Variants in MYPN observed in about 807,000 individuals in gnomAD.
MYPN encodes the protein sarcomeric protein myopalladin, 145 kDa (MYOP).
Under a neutral mutation model 129.4 loss-of-function variants are expected in MYPN, and 63 were observed. That is an observed-to-expected ratio of 0.49 (90% CI 0.40 to 0.60). The LOEUF is 0.60. MYPN is among the 20% of genes least tolerant of loss of function. The pLI, the probability that MYPN is intolerant of heterozygous loss-of-function variation, is 0.00. For missense variants in MYPN, 1,596 were observed against 1,635.4 expected (o/e 0.98, Z 0.42); for synonymous variants, 629 against 600.9 (o/e 1.05, Z -0.68).
chr10:68,100,305 A>G (rs1205293421), intron 1 of MYPN, among the ~76,000 whole-genome samples: 1 of 152,240 alleles, frequency 6.6e-6, no homozygotes, highest in African/African-American at 2.4e-5. Flanking sequence ...ATTCTGGCTT[A>G]TCTGCCTTTC....
chr10:68,150,646 C>T (rs1410842196), intron 6 of MYPN, among the ~76,000 whole-genome samples: 1 of 152,106 alleles, frequency 6.6e-6, no homozygotes, highest in African/African-American at 2.4e-5. Context: ...CATTCATTTA[C>T]AAATGAAAAA....
At chr10:68,136,292 C>A (rs1201380569) in intron 2 of MYPN, 4 of 990,786 alleles carry the variant, frequency 4.0e-6, no homozygotes, top group Non-Finnish European at 4.8e-6. Flanking sequence ...CCATCTGGAC[C>A]TGCCCTATTT....
chr10:68,150,320 C>G (rs185642540), intron 6 of MYPN, among the ~76,000 whole-genome samples: 7 of 152,266 alleles, frequency 4.6e-5, no homozygotes, highest in Admixed American at 6.5e-5. Flanking sequence ...ATGTCTTTCC[C>G]TCTTACCACA....
At chr10:68,126,168 G>C (rs1169905150) in intron 2 of MYPN, among the ~76,000 whole-genome samples, 2 of 152,160 alleles carry the variant, frequency 1.3e-5, no homozygotes, top group African/African-American at 4.8e-5. Context: ...TAGGGTAAAG[G>C]TAAGAAAGAT....
intron 13 of MYPN, among the ~76,000 whole-genome samples, chr10:68,192,868 T>C (rs2043538637): frequency 6.6e-6 from 1 of 152,158 alleles, no homozygotes; most frequent in Non-Finnish European, 1.5e-5. Context: ...TATTGTTTCC[T>C]TTTTCATCTC....
At chr10:68,149,524 C>A (rs554035038) in intron 5 of MYPN, among the ~76,000 whole-genome samples, 24 of 152,056 alleles carry the variant, frequency 1.6e-4, no homozygotes, top group African/African-American at 5.5e-4. Context: ...GGTCTTGAAC[C>A]CTGGCCTCAA....
chr10:68,102,605 A>G (rs2041987148), upstream of MYPN, among the ~76,000 whole-genome samples: 1 of 152,182 alleles, frequency 6.6e-6, no homozygotes, highest in Admixed American at 6.5e-5. Flanking sequence ...TCCATTATTT[A>G]AAAATATGGC....
chr10:68,106,805 A>G, upstream of MYPN: 1 of 717,186 alleles, frequency 1.4e-6, no homozygotes, highest in Non-Finnish European at 2.6e-6. Flanking sequence ...TCCCAATGTG[A>G]GTAAATTGTT....
rs201460662 is a variant in MYPN at position 68,122,303 on chromosome 10, G to T, written c.865G>T (p.Asp289Tyr). The T allele has an allele frequency of 1.9e-6, 3 of 1,613,860 alleles. No homozygotes were observed. Among genetic ancestry groups the T allele is most frequent in the Non-Finnish European group, 1.7e-6 (2 of 1,180,024 alleles). The change falls in exon 2 of 20, where the codon GAT becomes TAT. Residue 289 changes from aspartate (D) to tyrosine (Y), a missense_variant. Transcript: ENST00000358913. Reference sequence around the variant, plus strand: ...TCCAGAAGGAACTCGAGTACAGTTGGATTGCATAGTGGTAGGAATTCCACC... The same window carrying T: ...TCCAGAAGGAACTCGAGTACAGTTGTATTGCATAGTGGTAGGAATTCCACC... ...EVPEGTRVQL[D>Y]CIVVGIPPPQ...
Position 68,145,472 on chromosome 10 carries a change from CA to C in MYPN, c.1079-2del. 1 of 1,611,960 alleles carries C rather than the reference CA, an allele frequency of 6.2e-7. No individual in the cohort carries two copies. Among genetic ancestry groups the C allele is most frequent in the Non-Finnish European group, 8.5e-7 (1 of 1,178,508 alleles). On this transcript the variant is annotated splice_acceptor_variant, in intron 3 of 19. Coordinates refer to ENST00000358913, the MANE Select transcript of MYPN (RefSeq NM_032578.4). LOFTEE classifies it high-confidence loss of function. ...ATCTTATGTCTTGTTTTTATTTTTC[CA>C]GGGGTTTCTTCTTCTGACTCAGAAG... is the stretch of plus-strand genomic sequence containing the variant.
intron 15 of MYPN, among the ~76,000 whole-genome samples, chr10:68,195,947 C>T (rs1013442963): frequency 2.6e-5 from 4 of 152,006 alleles, no homozygotes; most frequent in African/African-American, 7.2e-5. Flanking sequence ...AGACTACAGA[C>T]GCATGCCACC....
intron 1 of MYPN, among the ~76,000 whole-genome samples, chr10:68,088,958 G>A (rs908232229): frequency 6.6e-6 from 1 of 152,218 alleles, no homozygotes; most frequent in East Asian, 1.9e-4. Context: ...TCTACTTTCT[G>A]TTTCTGTAGA....
Position 68,142,978 on chromosome 10 carries a change from A to T in MYPN, c.941A>T (p.Asp314Val), listed in dbSNP as rs1272234794. The T allele has an allele frequency of 1.2e-6, 2 of 1,614,002 alleles. No homozygotes were observed. Among genetic ancestry groups the T allele is most frequent in the African/African-American group, 1.3e-5 (1 of 74,918 alleles). Residue 314 changes from aspartate (D) to valine (V), a missense_variant, in exon 3 of 20, where the codon GAT becomes GTT. Transcript: ENST00000358913. The part of the protein sequence containing the change: ...CEGKELENSP[D>V]IHIVQAGNLH... ...GGCAAGGAGCTTGAAAATTCCCCAG[A>T]TATTCACATCGTCCAGGCAGGAAAT...
intron 2 of MYPN, among the ~76,000 whole-genome samples, chr10:68,126,107 C>T (rs2042322347): frequency 6.6e-6 from 1 of 152,000 alleles, no homozygotes; most frequent in Non-Finnish European, 1.5e-5. Flanking sequence ...TGCAAAGCTC[C>T]CGAGGCAAGT....
At chr10:68,190,971 G>A (rs959165019) in intron 13 of MYPN, among the ~76,000 whole-genome samples, 4 of 152,038 alleles carry the variant, frequency 2.6e-5, no homozygotes, top group South Asian at 2.1e-4. Flanking sequence ...TGTTCTTGGC[G>A]CCTTTGTCAA....
upstream of MYPN, among the ~76,000 whole-genome samples, chr10:68,103,167 T>C (rs2041990263): frequency 6.6e-6 from 1 of 152,216 alleles, no homozygotes; most frequent in African/African-American, 2.4e-5. Context: ...GCCAGACATA[T>C]AGATTCATAT....
intron 12 of MYPN, among the ~76,000 whole-genome samples, chr10:68,185,441 C>T (rs938640844): frequency 1.4e-4 from 21 of 152,072 alleles, no homozygotes; most frequent in Non-Finnish European, 1.5e-5. Flanking sequence ...AGGGTGGGTG[C>T]CATCCACATA....
chr10:68,174,665 C>A lies in MYPN; in HGVS notation c.2564+9C>A. 1 of 1,612,616 alleles carries A rather than the reference C, an allele frequency of 6.2e-7. No homozygotes were observed. Among genetic ancestry groups the A allele is most frequent in the African/African-American group, 1.3e-5 (1 of 74,996 alleles). ...AGAAGTGCACCATCCATGTAAGTGT[C>A]ATTGAGGTTTCTTGATGTAAGATGC... On this transcript the variant is annotated intron_variant, in intron 11 of 19. Transcript: ENST00000358913.
At chr10:68,199,722 C>A in intron 17 of MYPN, 147 bp downstream of exon 17, 1 of 802,818 alleles carries the variant, frequency 1.2e-6, no homozygotes, top group Non-Finnish European at 2.1e-6. Context: ...TGGTATTTCC[C>A]ACATCACTTT....
Sources: allele counts gnomAD v4.1 joint callset (sites outside exome capture counted in the v4.1 genomes callset), GRCh38; gene constraint gnomAD v4.1.1; transcripts MANE v1.5; gene names NCBI Gene and HGNC (gene_info 2026-07-23, HGNC 2026-07-21).